Variants in NR3C1 observed in about 807,000 individuals in gnomAD.
NR3C1 encodes the protein glucocorticoid receptor.
Under a neutral mutation model 74.0 loss-of-function variants are expected in NR3C1, and 14 were observed. The ratio of observed to expected loss-of-function variants is 0.19; its 90% CI spans 0.12 to 0.30. The LOEUF (loss-of-function observed/expected upper bound fraction) is 0.30, where lower values mean the gene tolerates loss of function less well. Ranked by LOEUF, NR3C1 falls within the 10% of genes least tolerant of loss-of-function variation. The pLI is 1.00. For missense variants in NR3C1, 695 were observed against 909.8 expected, an observed-to-expected ratio of 0.76 and a Z score of 3.04; for synonymous variants, 308 against 332.5, an observed-to-expected ratio of 0.93 and a Z score of 0.80.
At chr5:143,360,824 T>A (rs1399085659) in intron 2 of NR3C1, among the ~76,000 whole-genome samples, 1 of 152,176 alleles carries the variant, frequency 6.6e-6, no homozygotes, top group Non-Finnish European at 1.5e-5. Flanking sequence ...GACCTCCAAG[T>A]TAGATACATG....
chr5:143,301,356 C>T (rs1818449776), intron 4 of NR3C1, among the ~76,000 whole-genome samples: 1 of 152,038 alleles, frequency 6.6e-6, no homozygotes, highest in Non-Finnish European at 1.5e-5. Context: ...TCACTTTTCA[C>T]CTTTACATAG....
At chr5:143,286,157 C>T (rs1217745807) in intron 7 of NR3C1, among the ~76,000 whole-genome samples, 1 of 152,036 alleles carries the variant, frequency 6.6e-6, no homozygotes, top group Non-Finnish European at 1.5e-5. Flanking sequence ...ACCAACAAAG[C>T]TCACTCAAGA....
intron 2 of NR3C1, among the ~76,000 whole-genome samples, chr5:143,395,074 A>G (rs935085688): frequency 6.6e-6 from 1 of 152,004 alleles, no homozygotes; most frequent in African/African-American, 2.4e-5. Flanking sequence ...CTGCAATAAA[A>G]TTCTATTTCT....
intron 2 of NR3C1, among the ~76,000 whole-genome samples, chr5:143,355,937 A>T (rs1009875306): frequency 2.0e-5 from 3 of 152,214 alleles, no homozygotes; most frequent in Non-Finnish European, 4.4e-5. Context: ...CATGGTGCCC[A>T]TTTACAGTAA....
chr5:143,315,075 A>C (rs1821787314), intron 2 of NR3C1, among the ~76,000 whole-genome samples: 1 of 152,230 alleles, frequency 6.6e-6, no homozygotes, highest in South Asian at 2.1e-4. Flanking sequence ...CAATCTCAAA[A>C]AAAATTGGAA....
intron 1 of NR3C1, among the ~76,000 whole-genome samples, chr5:143,412,083 A>C (rs1283341977): frequency 1.3e-5 from 2 of 152,262 alleles, no homozygotes; most frequent in South Asian, 4.1e-4. Flanking sequence ...GTGAAGAGTA[A>C]GCAGGCTTAG....
intron 2 of NR3C1, among the ~76,000 whole-genome samples, chr5:143,353,760 A>G (rs1380437729): frequency 6.6e-6 from 1 of 152,190 alleles, no homozygotes; most frequent in Non-Finnish European, 1.5e-5. Context: ...AGCAGAGTAG[A>G]TTAAGCATAA....
chr5:143,430,025 T>G (rs1751730334), intron 1 of NR3C1, among the ~76,000 whole-genome samples: 1 of 149,342 alleles, frequency 6.7e-6, no homozygotes, highest in Non-Finnish European at 1.5e-5. Context: ...GAGGTTGCAG[T>G]AAGCCAAGAT....
chr5:143,384,967 G>A (rs999965523), intron 2 of NR3C1, among the ~76,000 whole-genome samples: 1 of 152,212 alleles, frequency 6.6e-6, no homozygotes, highest in Non-Finnish European at 1.5e-5. Flanking sequence ...CCTGCAGAAT[G>A]CATGGACATC....
chr5:143,306,054 A>G (rs1161624922), intron 4 of NR3C1, among the ~76,000 whole-genome samples: 1 of 152,222 alleles, frequency 6.6e-6, no homozygotes, highest in Non-Finnish European at 1.5e-5. Context: ...ATATCTTAAA[A>G]TGAAGTGAAT....
chr5:143,313,347 A>G (rs1821374696), intron 3 of NR3C1, among the ~76,000 whole-genome samples: 1 of 152,206 alleles, frequency 6.6e-6, no homozygotes, highest in African/African-American at 2.4e-5. Flanking sequence ...TACAACATTT[A>G]TATAGTGAAA....
At chr5:143,376,875 A>G (rs115108043) in intron 2 of NR3C1, among the ~76,000 whole-genome samples, 541 of 152,280 alleles carry the variant, frequency 3.6e-3, no homozygotes, top group African/African-American at 0.013. Context: ...CAGGGTTTGG[A>G]TAAGGTGCGG....
chr5:143,283,056 T>TAGAG (rs1475760383), intron 7 of NR3C1, among the ~76,000 whole-genome samples: 1 of 152,214 alleles, frequency 6.6e-6, no homozygotes, highest in Non-Finnish European at 1.5e-5. Flanking sequence ...AATTTTTTTG[T>TAGAG]AGAGACAGGA....
At chr5:143,324,108 T>C (rs1476389148) in intron 2 of NR3C1, among the ~76,000 whole-genome samples, 1 of 152,198 alleles carries the variant, frequency 6.6e-6, no homozygotes, top group Non-Finnish European at 1.5e-5. Context: ...TTCTGGGGTC[T>C]GGAGGATGAC....
chr5:143,398,355 G>GTT (rs374535827), intron 2 of NR3C1, among the ~76,000 whole-genome samples: 1 of 133,748 alleles, frequency 7.5e-6, no homozygotes, highest in Non-Finnish European at 1.6e-5. Context: ...AAGGTTTTTT[G>GTT]GTTTTTTTTT....
At chr5:143,393,354 A>G (rs1169011478) in intron 2 of NR3C1, among the ~76,000 whole-genome samples, 1 of 152,182 alleles carries the variant, frequency 6.6e-6, no homozygotes, top group Non-Finnish European at 1.5e-5. Context: ...TTAGAAACAC[A>G]CACACAGGTG....
chr5:143,409,403 C>G (rs1841222015), intron 1 of NR3C1, among the ~76,000 whole-genome samples: 1 of 152,084 alleles, frequency 6.6e-6, no homozygotes, highest in Non-Finnish European at 1.5e-5. Context: ...TTTCTGTACT[C>G]TCTCACTTTA....
chr5:143,294,569 T>C (rs1163189256), intron 7 of NR3C1, among the ~76,000 whole-genome samples: 1 of 152,204 alleles, frequency 6.6e-6, no homozygotes. Flanking sequence ...TATAATGACA[T>C]GTTTCCACCA....
chr5:143,433,897 C>T (rs1025505103), intron 1 of NR3C1: 3 of 152,346 alleles, frequency 2.0e-5, no homozygotes, highest in Non-Finnish European at 4.4e-5. Context: ...GAGTCAAAGC[C>T]CAGTCTGCAC....
Sources: gnomAD v4.1 joint callset for allele counts (sites outside exome capture counted in the v4.1 genomes callset) on GRCh38, gnomAD v4.1.1 for gene constraint, MANE v1.5 for transcripts, NCBI Gene and HGNC (gene_info 2026-07-23, HGNC 2026-07-21) for gene names.